Variants in PLCB1 observed in about 807,000 individuals in gnomAD.
PLCB1 encodes phospholipase C beta 1.
Under a neutral mutation model 161.8 loss-of-function variants are expected in PLCB1, and 46 were observed. The ratio of observed to expected loss-of-function variants is 0.28; its 90% CI spans 0.22 to 0.36. The LOEUF (loss-of-function observed/expected upper bound fraction) is 0.36. Ranked by LOEUF, PLCB1 falls within the 10% of genes least tolerant of loss-of-function variation. The pLI, the probability that PLCB1 is intolerant of heterozygous loss-of-function variation, is 1.00. For missense variants in PLCB1, 1,016 were observed against 1,472.5 expected, an observed-to-expected ratio of 0.69 and a Z score of 5.07; for synonymous variants, 517 against 503.7, an observed-to-expected ratio of 1.03 and a Z score of -0.35.
At position 8,747,293 on chromosome 20, in the gene PLCB1, T is replaced by C. The variant is rs537785477; in HGVS notation, c.2523+5720T>C. On this transcript the variant is annotated intron_variant, in intron 23 of 31. Transcript: ENST00000338037. ...GTGCATTGGCTGGCCAAAATACATATCCCTCAACTTGGAAGTTACGAAAGC... is the reference window on the plus strand; with the variant it reads ...GTGCATTGGCTGGCCAAAATACATACCCCTCAACTTGGAAGTTACGAAAGC... Among the ~76,000 whole-genome samples the C allele has an allele frequency of 2.9e-4, 44 of 152,328 alleles. No homozygotes were observed. In the South Asian group the frequency reaches 8.5e-3, roughly 29 times the overall value.
At chr20:8,718,135 G>A (rs1034585357) in intron 14 of PLCB1, among the ~76,000 whole-genome samples, 3 of 152,018 alleles carry the variant, frequency 2.0e-5, no homozygotes, top group African/African-American at 4.8e-5. Flanking sequence ...CAGGAGAATC[G>A]CTTGAACCTA....
rs6055683 is a variant in PLCB1, at chr20:8,232,902, A to G, written c.177+82531A>G. ...TACCCTTCTAGCAGCTGGCGCTGGC[A>G]TTGCAATGTGAATCTGCCACTATGC... On this transcript the variant is annotated intron_variant, in intron 2 of 31. Coordinates refer to ENST00000338037, the MANE Select transcript of PLCB1 (RefSeq NM_015192.4). Among the ~76,000 whole-genome samples the G allele has an allele frequency of 2.3e-3, 354 of 152,260 alleles. 1 individual carries two copies. Among genetic ancestry groups the G allele is most frequent in the African/African-American group, 8.0e-3 (334 of 41,562 alleles).
intron 3 of PLCB1, among the ~76,000 whole-genome samples, chr20:8,439,204 G>A (rs948227650): frequency 1.2e-4 from 18 of 152,246 alleles, no homozygotes; most frequent in Non-Finnish European, 2.5e-4. Flanking sequence ...TTACTGTAGC[G>A]TTTCCATCCA....
chr20:8,233,377 AACAGTGT>A (rs1248838412), intron 2 of PLCB1, among the ~76,000 whole-genome samples: 3 of 152,172 alleles, frequency 2.0e-5, no homozygotes, highest in Non-Finnish European at 4.4e-5. Context: ...CCTTTTTAGT[AACAGTGT>A]ACTGTGTGCC....
chr20:8,181,635 T>C (rs1370837409), intron 2 of PLCB1, among the ~76,000 whole-genome samples: 1 of 152,088 alleles, frequency 6.6e-6, no homozygotes, highest in Non-Finnish European at 1.5e-5. Context: ...GTGACTAGAA[T>C]GAACAGACTA....
chr20:8,739,622 G>A (rs1332281450), intron 21 of PLCB1, among the ~76,000 whole-genome samples: 5 of 152,166 alleles, frequency 3.3e-5, no homozygotes, highest in Non-Finnish European at 7.3e-5. Context: ...AGGTCTGTGG[G>A]TTGGCCGGGT....
chr20:8,582,050 A>C (rs1986850350), intron 3 of PLCB1, among the ~76,000 whole-genome samples: 1 of 152,188 alleles, frequency 6.6e-6, no homozygotes, highest in Non-Finnish European at 1.5e-5. Flanking sequence ...CAAGTTCTAC[A>C]TATTAGAGCT....
chr20:8,301,029 C>T (rs1983886406), intron 2 of PLCB1, among the ~76,000 whole-genome samples: 1 of 152,174 alleles, frequency 6.6e-6, no homozygotes, highest in African/African-American at 2.4e-5. Context: ...GGACCAGAGT[C>T]AGGGCAGGAG....
In PLCB1 at chr20:8,376,927, CA is replaced by C. The variant is rs113346186; in HGVS notation, c.246+5489del. Among the ~76,000 whole-genome samples the C allele has an allele frequency of 1.3e-3, 171 of 133,778 alleles. 1 individual carries two copies. Among genetic ancestry groups the C allele is most frequent in the Middle Eastern group, 7.5e-3 (2 of 268 alleles). 87.8% of individuals were successfully genotyped at this position (133,778 alleles called of 152,430 possible). A position where few individuals can be genotyped will look rare whatever the true frequency, so the allele number is the denominator to read the frequency against. ...TGGGCGACAGAGCGAGACTCCATCT[CA>C]AAAAAAAAAAAGAAAAAGAAAGAGA... On this transcript the variant is annotated intron_variant, in intron 3 of 31. Transcript: ENST00000338037.
At chr20:8,752,383 G>T (rs914328085) in intron 23 of PLCB1, 1 of 152,114 alleles carries the variant, frequency 6.6e-6, no homozygotes, top group Admixed American at 6.5e-5. Context: ...GGTACTGTGC[G>T]TGTTGCCTAC....
intron 1 of PLCB1, among the ~76,000 whole-genome samples, chr20:8,139,633 AT>A (rs2051383590): frequency 1.3e-5 from 2 of 152,322 alleles, no homozygotes; most frequent in African/African-American, 4.8e-5. Flanking sequence ...AGTAAGGGAA[AT>A]TTAATTTAAT....
chr20:8,556,845 A>T (rs1187277731), intron 3 of PLCB1, among the ~76,000 whole-genome samples: 1 of 151,942 alleles, frequency 6.6e-6, no homozygotes, highest in Non-Finnish European at 1.5e-5. Flanking sequence ...ATAGACATTT[A>T]TCCAAAGAGA....
At chr20:8,168,664 A>G (rs142952446) in intron 2 of PLCB1, among the ~76,000 whole-genome samples, 3 of 152,206 alleles carry the variant, frequency 2.0e-5, no homozygotes, top group Non-Finnish European at 4.4e-5. Context: ...GGGAAACCTT[A>G]AGTCATCTTT....
At chr20:8,656,490 G>T (rs1301229164) in intron 7 of PLCB1, among the ~76,000 whole-genome samples, 2 of 151,912 alleles carry the variant, frequency 1.3e-5, no homozygotes, top group Non-Finnish European at 2.9e-5. Flanking sequence ...GTTAACAAAG[G>T]CTTGAATACA....
intron 11 of PLCB1, among the ~76,000 whole-genome samples, chr20:8,704,649 C>T (rs1294948302): frequency 6.6e-6 from 1 of 152,174 alleles, no homozygotes. Flanking sequence ...GTGAATTAAG[C>T]TTTATTGGGA....
At chr20:8,789,611 CAT>C (rs771725367) in intron 30 of PLCB1, 36 bp downstream of exon 30, 36 of 1,468,732 alleles carry the variant, frequency 2.5e-5, no homozygotes, top group Admixed American at 1.5e-4. Context: ...CTTTGCAAAA[CAT>C]GTGTGAACAT....
intron 3 of PLCB1, among the ~76,000 whole-genome samples, chr20:8,408,421 T>TA: frequency 6.8e-6 from 1 of 147,590 alleles, no homozygotes; most frequent in Admixed American, 6.8e-5. Flanking sequence ...GACCCCTTCT[T>TA]AAAAAAAGGA....
At chr20:8,797,103 G>C (rs189956369) in intron 31 of PLCB1, among the ~76,000 whole-genome samples, 1 of 152,032 alleles carries the variant, frequency 6.6e-6, no homozygotes, top group African/African-American at 2.4e-5. Context: ...ATAAAATTTT[G>C]TGTTGGTGGT....
At chr20:8,547,229 G>A (rs1015881146) in intron 3 of PLCB1, among the ~76,000 whole-genome samples, 4 of 152,132 alleles carry the variant, frequency 2.6e-5, no homozygotes, top group Non-Finnish European at 1.5e-5. Context: ...TCATCTTACG[G>A]CTCGCTCTAA....
Sources: gnomAD v4.1 joint callset for allele counts (sites outside exome capture counted in the v4.1 genomes callset) on GRCh38, gnomAD v4.1.1 for gene constraint, MANE v1.5 for transcripts, NCBI Gene and HGNC (gene_info 2026-07-23, HGNC 2026-07-21) for gene names.